Variants in RAPGEF6 observed in about 807,000 individuals in gnomAD.
The protein encoded by RAPGEF6 is Rap guanine nucleotide exchange factor 6.
A neutral mutation model predicts 171.4 loss-of-function variants in RAPGEF6; 56 were observed. The observed-to-expected ratio is 0.33, with a 90% confidence interval of 0.26 to 0.41. The LOEUF is 0.41. RAPGEF6 is among the 10% of genes least tolerant of loss of function. RAPGEF6 has a pLI of 1.00. For synonymous variants in RAPGEF6, 692 were observed against 650.1 expected (o/e 1.06, Z -0.98); for missense variants, 1,674 against 1,921.4 (o/e 0.87, Z 2.41).
rs1211211733 is a variant in RAPGEF6 at position 131,635,147 on chromosome 5, A to C, written c.-117T>G. On this transcript the variant is annotated 5_prime_UTR_variant, in exon 1 of 28. Transcript: ENST00000509018. ...CCCAAGGAGGGAACTTCGCGCCGTA[A>C]CAAGGTCCGAACTCTAGCAAACAAC... The C allele has an allele frequency of 2.8e-6, 3 of 1,084,862 alleles. No homozygotes were observed. The highest frequency in any genetic ancestry group is 3.9e-6 in the Non-Finnish European group (3 of 775,798). 67.2% of individuals were successfully genotyped at this position (1,084,862 alleles called of 1,614,324 possible). A position where few individuals can be genotyped will look rare whatever the true frequency, so the allele number is the denominator to read the frequency against.
At chr5:131,460,633 T>G (rs956013370) in intron 19 of RAPGEF6, among the ~76,000 whole-genome samples, 1 of 152,170 alleles carries the variant, frequency 6.6e-6, no homozygotes, top group Admixed American at 6.5e-5. Flanking sequence ...AAAACCTATC[T>G]TCAGTTTTCC....
At chr5:131,529,961 G>A (rs552892028) in intron 6 of RAPGEF6, among the ~76,000 whole-genome samples, 2 of 139,036 alleles carry the variant, frequency 1.4e-5, no homozygotes, top group African/African-American at 5.5e-5. Flanking sequence ...AGGCTAGAGT[G>A]TAGTGTCACG....
intron 21 of RAPGEF6, 77 bp from the exon 22 acceptor site, chr5:131,446,780 T>C (rs1752739326): frequency 2.2e-6 from 3 of 1,346,096 alleles, no homozygotes; most frequent in Non-Finnish European, 3.1e-6. Context: ...TTAAAAGATT[T>C]TGTTCTGTTA....
chr5:131,444,404 A>T (rs1350219153), intron 22 of RAPGEF6, among the ~76,000 whole-genome samples: 3 of 152,330 alleles, frequency 2.0e-5, no homozygotes, highest in East Asian at 1.9e-4. Flanking sequence ...CTACAGTACA[A>T]AGAAAAAAAC....
chr5:131,635,215 G>T lies in RAPGEF6; in HGVS notation c.-185C>A. Reference sequence around the variant, plus strand: ...TAAGGCCTCTACCCACGCGCGACTGGCCGGAGACAAGTCTGCGCGGGGGCG... The same window carrying T: ...TAAGGCCTCTACCCACGCGCGACTGTCCGGAGACAAGTCTGCGCGGGGGCG... On this transcript the variant is annotated 5_prime_UTR_variant, in exon 1 of 28. Transcript: ENST00000509018. The T allele has an allele frequency of 3.4e-6, 2 of 588,606 alleles. No individual in the cohort carries two copies. The highest frequency in any genetic ancestry group is 5.8e-6 in the Non-Finnish European group (2 of 346,530). The allele number at this position is 588,606 out of a possible 1,614,324, so 36.5% of individuals were successfully genotyped here.
intron 21 of RAPGEF6, among the ~76,000 whole-genome samples, chr5:131,452,347 T>C (rs546847844): frequency 2.6e-5 from 4 of 152,290 alleles, no homozygotes; most frequent in Admixed American, 2.6e-4. Flanking sequence ...ATCAGGTTAA[T>C]ACAGAACACA....
At chr5:131,572,719 C>G (rs1283454997) in intron 4 of RAPGEF6, among the ~76,000 whole-genome samples, 2 of 152,182 alleles carry the variant, frequency 1.3e-5, no homozygotes, top group Admixed American at 6.5e-5. Context: ...ACCTTCTCCA[C>G]TATGGGCAAC....
In RAPGEF6 at chr5:131,498,578, T is replaced by C. The variant is rs1756796436; in HGVS notation, c.1284A>G (p.Leu428=). The C allele has an allele frequency of 1.2e-6, 2 of 1,613,756 alleles. No homozygotes were observed. Among genetic ancestry groups the C allele is most frequent in the Non-Finnish European group, 1.7e-6 (2 of 1,179,868 alleles). ...GATCCACGATGGAATGTTCTTCTAT[T>C]AAATGCATTATGAGACGCTCAGGTG... ...KATPERLIMH[L]IEEHSIVDPT... is the part of the protein sequence containing the mutation. Residue 428 remains leucine, a synonymous_variant, in exon 12 of 28, where the codon TTA becomes TTG. Transcript: ENST00000509018.
chr5:131,489,486 G>T (rs553596511), intron 15 of RAPGEF6, 60 bp downstream of exon 15: 4 of 954,770 alleles, frequency 4.2e-6, no homozygotes, highest in South Asian at 3.1e-5. Flanking sequence ...CCACTGTAAT[G>T]ACTTTTCTAT....
intron 21 of RAPGEF6, among the ~76,000 whole-genome samples, chr5:131,449,165 A>T (rs1311971601): frequency 6.6e-6 from 1 of 152,208 alleles, no homozygotes; most frequent in Non-Finnish European, 1.5e-5. Context: ...CTCTTTCTTC[A>T]TCTAAAAATG....
chr5:131,571,244 C>T (rs981891931), intron 4 of RAPGEF6, among the ~76,000 whole-genome samples: 1 of 152,012 alleles, frequency 6.6e-6, no homozygotes, highest in Admixed American at 6.6e-5. Flanking sequence ...GCCCCGCCCC[C>T]AACTACTTTT....
At chr5:131,471,604 A>G (rs1339103430) in intron 17 of RAPGEF6, among the ~76,000 whole-genome samples, 1 of 152,136 alleles carries the variant, frequency 6.6e-6, no homozygotes, top group Admixed American at 6.5e-5. Context: ...TTAATTGTAT[A>G]TGCCTTTTAT....
At chr5:131,529,197 AG>A (rs1156390741) in intron 6 of RAPGEF6, among the ~76,000 whole-genome samples, 1 of 151,842 alleles carries the variant, frequency 6.6e-6, no homozygotes, top group Non-Finnish European at 1.5e-5. Context: ...AACAACAGGC[AG>A]GGCACTGTGG....
chr5:131,599,433 A>C (rs1764096396), intron 3 of RAPGEF6, among the ~76,000 whole-genome samples: 1 of 152,190 alleles, frequency 6.6e-6, no homozygotes, highest in Non-Finnish European at 1.5e-5. Flanking sequence ...CAAAATAAAC[A>C]AATGAGCAAA....
At position 131,453,106 on chromosome 5, in the gene RAPGEF6, C is replaced by T. The variant is rs764241580; in HGVS notation, c.3148G>A (p.Val1050Ile). ...ATGTTAGCAGAAGTCATTCGAACAACTTGGCGGATTTCCTTGGAAATCATT... is the reference window on the plus strand; with the variant it reads ...ATGTTAGCAGAAGTCATTCGAACAATTTGGCGGATTTCCTTGGAAATCATT... ...LRMISKEIRQ[V>I]VRMTSANMDP... The change falls in exon 21 of 28, where the codon GTT (valine) becomes ATT (isoleucine). Residue 1050 changes from valine (V) to isoleucine (I), a missense_variant. This residue lies in a region of RAPGEF6 where 1,116 missense variants were observed against 1,321.5 expected (regional missense o/e 0.84). Transcript: ENST00000509018. The T allele has an allele frequency of 1.3e-5, 21 of 1,613,854 alleles. No homozygotes were observed. Among genetic ancestry groups the T allele is most frequent in the Admixed American group, 6.7e-5 (4 of 59,998 alleles).
chr5:131,432,638 TA>T (rs771498749), intron 25 of RAPGEF6, among the ~76,000 whole-genome samples: 10,803 of 141,904 alleles, frequency 0.076, 694 homozygotes, highest in African/African-American at 0.19. Context: ...GACTCCGCCT[TA>T]AAAAAAAAAA....
At chr5:131,497,521 A>C (rs1374555264) in intron 12 of RAPGEF6, among the ~76,000 whole-genome samples, 1 of 152,146 alleles carries the variant, frequency 6.6e-6, no homozygotes, top group Non-Finnish European at 1.5e-5. Flanking sequence ...TTTTGGGTAC[A>C]TTTTTGTTTA....
chr5:131,581,512 T>C (rs1388671401), intron 4 of RAPGEF6, among the ~76,000 whole-genome samples: 1 of 152,034 alleles, frequency 6.6e-6, no homozygotes, highest in Non-Finnish European at 1.5e-5. Context: ...AACTCTACAA[T>C]ATCACCCCTT....
chr5:131,558,902 C>G (rs865847372), intron 5 of RAPGEF6, among the ~76,000 whole-genome samples: 1 of 152,074 alleles, frequency 6.6e-6, no homozygotes, highest in African/African-American at 2.4e-5. Context: ...GAAAAGTAGG[C>G]GTACTCTGTT....
Sources: gnomAD v4.1 joint callset for allele counts (sites outside exome capture counted in the v4.1 genomes callset) on GRCh38, gnomAD v4.1.1 for gene constraint, gnomAD v4.1.1 regional missense constraint, MANE v1.5 for transcripts, NCBI Gene and HGNC (gene_info 2026-07-23, HGNC 2026-07-21) for gene names.